SLC6A11: variants seen among roughly 807,000 people sequenced by gnomAD.
SLC6A11 encodes sodium- and chloride-dependent GABA transporter 3.
In SLC6A11, 25 loss-of-function variants were observed where a neutral mutation model predicts 74.8. The ratio of observed to expected loss-of-function variants is 0.33; its 90% CI spans 0.24 to 0.47. SLC6A11 has a LOEUF of 0.47. Among genes scored for constraint, SLC6A11 ranks in the 20% least tolerant of loss-of-function variants. The probability of loss-of-function intolerance (pLI) is 1.00; values close to 1 mark genes in which losing one functional copy is unlikely to be tolerated. For missense variants in SLC6A11, 574 were observed against 837.0 expected (o/e 0.69, Z 3.88); for synonymous variants, 330 against 330.2 (o/e 1.00, Z 0.01).
At chr3:10,910,819 ATTTTTTTT>A (rs67011478) in intron 6 of SLC6A11, among the ~76,000 whole-genome samples, 37 of 126,394 alleles carry the variant, frequency 2.9e-4, no homozygotes, top group Non-Finnish European at 5.0e-4. Context: ...GTTGCTGTGA[ATTTTTTTT>A]TTTTTTTTTT....
intron 6 of SLC6A11, among the ~76,000 whole-genome samples, chr3:10,881,456 A>T (rs1399062976): frequency 1.3e-5 from 2 of 152,210 alleles, no homozygotes; most frequent in Non-Finnish European, 2.9e-5. Flanking sequence ...CTGCATTTAT[A>T]CCATCACTTT....
intron 4 of SLC6A11, among the ~76,000 whole-genome samples, chr3:10,839,900 C>T (rs372875067): frequency 2.8e-4 from 43 of 152,320 alleles, no homozygotes; most frequent in African/African-American, 1.0e-3. Context: ...AGCCCTGGCT[C>T]TTCCTGCTGC....
chr3:10,839,802 C>T (rs1694414341), intron 4 of SLC6A11, among the ~76,000 whole-genome samples: 1 of 152,212 alleles, frequency 6.6e-6, no homozygotes. Context: ...TGATCTCTTC[C>T]TCTATTCCAA....
chr3:10,903,990 G>C (rs1289154361), intron 6 of SLC6A11, among the ~76,000 whole-genome samples: 3 of 152,276 alleles, frequency 2.0e-5, no homozygotes, highest in Non-Finnish European at 2.9e-5. Flanking sequence ...GTGGAGAAAA[G>C]GTGAGCATGT....
chr3:10,882,567 G>C (rs939172397), intron 6 of SLC6A11, among the ~76,000 whole-genome samples: 2 of 152,212 alleles, frequency 1.3e-5, no homozygotes, highest in African/African-American at 4.8e-5. Context: ...TGCAACACAG[G>C]AAGGGCTCAG....
chr3:10,907,395 A>G (rs568426694), intron 6 of SLC6A11, among the ~76,000 whole-genome samples: 30 of 152,318 alleles, frequency 2.0e-4, no homozygotes, highest in African/African-American at 3.6e-4. Flanking sequence ...AGTGATAGGT[A>G]TAGAAGGTGA....
rs116458569 is a variant in SLC6A11, at chr3:10,841,489, G to A, written c.624-2725G>A. ...AGGTCTGTTCCTAGTTAAAGTCAGC[G>A]TTGGTAAAACCTAAGGAAAATAATT... On this transcript the variant is annotated intron_variant, in intron 4 of 13. Coordinates refer to ENST00000254488, the MANE Select transcript of SLC6A11 (RefSeq NM_014229.3). 1.6e-3 allele frequency among the ~76,000 whole-genome samples: 240 copies of A among 152,304 alleles called. 3 individuals are homozygous for A. The highest frequency in any genetic ancestry group is 5.4e-3 in the African/African-American group (225 of 41,582).
At chr3:10,860,771 C>T (rs961241947) in intron 5 of SLC6A11, among the ~76,000 whole-genome samples, 1 of 152,150 alleles carries the variant, frequency 6.6e-6, no homozygotes, top group Non-Finnish European at 1.5e-5. Context: ...AAAGAAGACA[C>T]ATGGAGGTTG....
At chr3:10,868,719 C>A (rs575843793) in intron 5 of SLC6A11, among the ~76,000 whole-genome samples, 1 of 152,328 alleles carries the variant, frequency 6.6e-6, no homozygotes, top group Non-Finnish European at 1.5e-5. Context: ...CCTTATTAGG[C>A]CCATCACCAA....
At chr3:10,854,072 T>A (rs2106591079) in intron 5 of SLC6A11, among the ~76,000 whole-genome samples, 1 of 152,330 alleles carries the variant, frequency 6.6e-6, no homozygotes, top group East Asian at 1.9e-4. Context: ...TTAAAAATTG[T>A]CCAAACAATA....
intron 4 of SLC6A11, among the ~76,000 whole-genome samples, chr3:10,830,059 G>GC (rs1262718533): frequency 1.3e-5 from 2 of 151,178 alleles, no homozygotes; most frequent in African/African-American, 2.4e-5. Flanking sequence ...CTGGGAAGTA[G>GC]GAAAAAAAAA....
intron 13 of SLC6A11, 112 bp from the exon 14 acceptor site, chr3:10,938,138 C>T: frequency 9.3e-7 from 1 of 1,072,986 alleles, no homozygotes; most frequent in Non-Finnish European, 1.3e-6. Context: ...GGACCTTGGT[C>T]TGAGAATTCT....
At chr3:10,902,758 T>A (rs1215904252) in intron 6 of SLC6A11, among the ~76,000 whole-genome samples, 2 of 152,222 alleles carry the variant, frequency 1.3e-5, no homozygotes, top group African/African-American at 4.8e-5. Context: ...CCCCTTTTGC[T>A]TGGTGTTTCA....
intron 4 of SLC6A11, among the ~76,000 whole-genome samples, chr3:10,835,692 C>T (rs1279524610): frequency 2.6e-5 from 4 of 152,160 alleles, no homozygotes; most frequent in African/African-American, 4.8e-5. Flanking sequence ...TTTGTGATCT[C>T]GGACAAGGTA....
intron 1 of SLC6A11, among the ~76,000 whole-genome samples, chr3:10,818,637 C>G (rs1694095908): frequency 6.6e-6 from 1 of 152,262 alleles, no homozygotes; most frequent in African/African-American, 2.4e-5. Context: ...TCAGTTAAAG[C>G]CGTCATTTGT....
Position 10,816,235 on chromosome 3 carries a change from C to G in SLC6A11, c.-31C>G. On this transcript the variant is annotated 5_prime_UTR_variant, in exon 1 of 14. Coordinates refer to ENST00000254488, the MANE Select transcript of SLC6A11 (RefSeq NM_014229.3). This position sits in a 1 kb window ranked among gnomAD's most constrained non-coding sequence, Gnocchi z 4.2. ...CTCGCCCGGGGCGGCGGCGCAGAGC[C>G]GGGCCGGCGCACGAGGCAGCCAGCG... The G allele has an allele frequency of 7.8e-7, 1 of 1,284,400 alleles. No homozygotes were observed. The highest frequency in any genetic ancestry group is 9.8e-7 in the Non-Finnish European group (1 of 1,020,032). 79.6% of individuals were successfully genotyped at this position (1,284,400 alleles called of 1,614,324 possible).
In SLC6A11 at chr3:10,875,061, T is replaced by C; in HGVS notation, c.857T>C (p.Leu286Ser). 6.2e-7 allele frequency: 1 copy of C among 1,613,398 alleles called. No individual in the cohort carries two copies. The highest frequency in any genetic ancestry group is 2.2e-5 in the East Asian group (1 of 44,842). Reference sequence around the variant, plus strand: ...GCCTCAGAGGGCATCAAGTTCTACTTGTACCCTGACCTCTCCCGGCTCTCC... The same window carrying C: ...GCCTCAGAGGGCATCAAGTTCTACTCGTACCCTGACCTCTCCCGGCTCTCC... ...PGASEGIKFYLYPDLSRLSDP... is the reference protein window; with the variant it reads ...PGASEGIKFYSYPDLSRLSDP... Residue 286 changes from leucine (L) to serine (S), a missense_variant, in exon 6 of 14, where the codon TTG becomes TCG. Leu to Ser is a moderately radical substitution (Grantham distance 145). This residue lies in a region of SLC6A11 where 215 missense variants were observed against 357.9 expected (regional missense o/e 0.60). Transcript: ENST00000254488.
At position 10,896,256 on chromosome 3, in the gene SLC6A11, C is replaced by T. The variant is rs532241673; in HGVS notation, c.892-15834C>T. The stretch of plus-strand genomic sequence containing the variant: ...GGCTAGAAAAGCTGGCTTTTCTTCT[C>T]TTACCCCAAGTGGGACCTGCCTAGT... On this transcript the variant is annotated intron_variant, in intron 6 of 13. Transcript: ENST00000254488. Among the ~76,000 whole-genome samples the T allele has an allele frequency of 5.3e-5, 8 of 152,344 alleles. No homozygotes were observed. In the South Asian group the frequency reaches 1.7e-3, roughly 32 times the overall value.
intron 6 of SLC6A11, among the ~76,000 whole-genome samples, chr3:10,877,773 C>CAACA: frequency 6.6e-6 from 1 of 152,166 alleles, no homozygotes; most frequent in Non-Finnish European, 1.5e-5. Flanking sequence ...ACAAATGGGC[C>CAACA]CGACTTTGGA....
Sources: gnomAD v4.1 joint callset for allele counts (sites outside exome capture counted in the v4.1 genomes callset) on GRCh38, gnomAD v4.1.1 for gene constraint, gnomAD v4.1.1 regional missense constraint, Gnocchi (gnomAD v3.1) non-coding constraint, MANE v1.5 for transcripts, NCBI Gene and HGNC (gene_info 2026-07-23, HGNC 2026-07-21) for gene names.